The following RNASE12 variants were observed in gnomAD, a reference collection of about 807,000 sequenced individuals.
RNASE12 encodes probable inactive ribonuclease-like protein 12.
For synonymous variants in RNASE12, 55 were observed against 59.8 expected, an observed-to-expected ratio of 0.92 and a Z score of 0.37; for missense variants, 161 against 177.6, an observed-to-expected ratio of 0.91 and a Z score of 0.53.
At chr14:20,590,703 A>C (rs1273281944) in exon 1 of RNASE12, 1 of 1,613,986 alleles carries the variant, frequency 6.2e-7, no homozygotes, top group African/African-American at 1.3e-5. Context: ...GCACCAAGAA[A>C]ATTATCACCA....
chr14:20,590,730 T>A, exon 1 of RNASE12: 1 of 1,610,194 alleles, frequency 6.2e-7, no homozygotes, highest in Non-Finnish European at 8.5e-7. Flanking sequence ...TCATCAGAGG[T>A]AAGAGTGACT....
downstream of RNASE12, chr14:20,590,077 TG>T: frequency 2.0e-6 from 2 of 1,019,692 alleles, no homozygotes; most frequent in Non-Finnish European, 2.7e-6. Flanking sequence ...GTAGAATTTA[TG>T]GTTTAATTCA....
chr14:20,590,541 A>G (rs1375828189), exon 1 of RNASE12: 6 of 1,614,116 alleles, frequency 3.7e-6, no homozygotes, highest in African/African-American at 1.3e-5. Context: ...CCTTTTTACA[A>G]GTGTGGTCAG....
chr14:20,590,564 C>T lies in RNASE12; in HGVS notation c.160G>A (p.Val54Ile), dbSNP rs770702429. 6 of 1,614,240 alleles carry T rather than the reference C, an allele frequency of 3.7e-6. No individual in the cohort carries two copies. Among genetic ancestry groups the T allele is most frequent in the Middle Eastern group, 3.3e-4 (2 of 6,062 alleles). Residue 54 changes from valine to isoleucine, a missense_variant, in exon 1 of 1, where the codon GTT (valine) becomes ATT (isoleucine). By Grantham distance (29) the Val-to-Ile change is conservative. Coordinates refer to ENST00000556526, the Ensembl canonical transcript of RNASE12. ...CAAGTGTGGTCAGGTTCCCTGATAA[C>T]TCTTTGTATGATCATGTGGTTGCAG...
exon 1 of RNASE12, chr14:20,590,759 C>T (rs772957735): frequency 6.3e-7 from 1 of 1,599,074 alleles, no homozygotes; most frequent in Non-Finnish European, 8.5e-7. Context: ...TTGGCTTTGA[C>T]TGCTGTTGAG....
exon 1 of RNASE12, chr14:20,590,817 C>A (rs1415364706): frequency 2.0e-6 from 3 of 1,536,090 alleles, no homozygotes. Flanking sequence ...CCTCCTGCTC[C>A]AACCCCTGGC....
downstream of RNASE12, chr14:20,590,177 G>C (rs1321414199): frequency 6.6e-7 from 1 of 1,516,216 alleles, no homozygotes; most frequent in African/African-American, 1.4e-5. Flanking sequence ...TTCCCCTTCC[G>C]CTCAAGGCAT....
At chr14:20,590,951 A>C (rs1164353461), upstream of RNASE12, 2 of 1,403,566 alleles carry the variant, frequency 1.4e-6, no homozygotes, top group African/African-American at 1.4e-5. Context: ...GCCAGCTCTC[A>C]GAGTTTGGTA....
chr14:20,590,922 G>T, upstream of RNASE12: 1 of 1,426,340 alleles, frequency 7.0e-7, no homozygotes. Flanking sequence ...AGTTCCCCAA[G>T]AAAGCCTTTT....
At chr14:20,591,155 C>T (rs1884572473), upstream of RNASE12, 1 of 985,030 alleles carries the variant, frequency 1.0e-6, no homozygotes, top group African/African-American at 1.7e-5. Context: ...TAAATCCACC[C>T]AATTGCACAT....
rs559125435 is a variant in RNASE12, at chr14:20,590,781, A to G, written c.-58T>C. 12 of 1,582,638 alleles carry G rather than the reference A, an allele frequency of 7.6e-6. No homozygotes were observed. In the Middle Eastern group the frequency reaches 5.1e-4, roughly 67 times the overall value. ...TGACTGCTGTTGAGTAAGGGAAGAT[A>G]GAAAGTAGCAAAGGACAGTCAGATT... is the stretch of plus-strand genomic sequence containing the variant. On this transcript the variant is annotated 5_prime_UTR_variant, in exon 1 of 1. Transcript: ENST00000556526.
chr14:20,590,111 A>C, downstream of RNASE12: 1 of 1,241,746 alleles, frequency 8.1e-7, no homozygotes, highest in Non-Finnish European at 1.1e-6. Flanking sequence ...TTATTGAAGC[A>C]GAATAAAACA....
At chr14:20,591,285 G>A (rs2138902506), upstream of RNASE12, 1 of 985,322 alleles carries the variant, frequency 1.0e-6, no homozygotes, top group East Asian at 1.1e-4. Flanking sequence ...CACTGTCACA[G>A]GTAACATAGC....
upstream of RNASE12, chr14:20,591,196 C>T (rs191556682): frequency 2.2e-4 from 217 of 983,142 alleles, 1 homozygote; most frequent in African/African-American, 3.2e-3. Context: ...ATCTATTCTT[C>T]CCAATTCCTT....
exon 1 of RNASE12, chr14:20,590,578 A>T: frequency 6.2e-7 from 1 of 1,614,238 alleles, no homozygotes; most frequent in Non-Finnish European, 8.5e-7. Context: ...TTGTATGATC[A>T]TGTGGTTGCA....
chr14:20,590,681 C>T (rs1884556691), exon 1 of RNASE12: 1 of 1,614,170 alleles, frequency 6.2e-7, no homozygotes, highest in Non-Finnish European at 8.5e-7. Flanking sequence ...ACCTCATTTT[C>T]CCAGAACAGA....
In RNASE12 at chr14:20,590,524, A is replaced by C. The variant is rs117757779; in HGVS notation, c.200T>G (p.Val67Gly). 1,241 of 1,614,222 alleles carry C rather than the reference A, an allele frequency of 7.7e-4. 2 individuals carry two copies. Among genetic ancestry groups the C allele is most frequent in the Non-Finnish European group, 1.0e-3 (1,187 of 1,180,040 alleles). The stretch of plus-strand genomic sequence containing the variant: ...TTTTCGAGGCCTCTCATGGATGAAG[A>C]CATGCTCCTTTTTACAAGTGTGGTC... Residue 67 changes from valine to glycine, a missense_variant, in exon 1 of 1, where the codon GTC becomes GGC. Transcript: ENST00000556526.
exon 1 of RNASE12, chr14:20,590,604 G>T (rs553909955): frequency 6.2e-7 from 1 of 1,614,172 alleles, no homozygotes. Context: ...TTGCAGGAAC[G>T]GGAACGTCAT....
upstream of RNASE12, chr14:20,591,169 T>G: frequency 2.0e-6 from 2 of 984,526 alleles, no homozygotes; most frequent in Non-Finnish European, 2.4e-6. Context: ...TGCACATGAT[T>G]TTAGTACCTT....
Sources: gnomAD v4.1 joint callset for allele counts on GRCh38, gnomAD v4.1.1 for gene constraint, MANE v1.5 for transcripts, NCBI Gene and HGNC (gene_info 2026-07-23, HGNC 2026-07-21) for gene names.